Variants in VPS11 observed in about 807,000 individuals in gnomAD.
The protein encoded by VPS11 is VPS11 core subunit of CORVET and HOPS complexes, also known as vacuolar protein sorting-associated protein 11 homolog.
A neutral mutation model predicts 106.8 loss-of-function variants in VPS11; 51 were observed. The ratio of observed to expected loss-of-function variants is 0.48; its 90% CI spans 0.38 to 0.60. VPS11 has a LOEUF of 0.60. Ranked by LOEUF, VPS11 falls within the 20% of genes least tolerant of loss-of-function variation. The pLI, the probability that VPS11 is intolerant of heterozygous loss-of-function variation, is 0.00. For missense variants in VPS11, 950 were observed against 1,190.0 expected (o/e 0.80, Z 2.97); for synonymous variants, 453 against 458.7 (o/e 0.99, Z 0.16).
At position 119,071,448 on chromosome 11, in the gene VPS11, T is replaced by C. The variant is rs148849984; in HGVS notation, c.637-148T>C. The C allele has an allele frequency of 8.1e-5, 73 of 904,132 alleles. No individual in the cohort carries two copies. In the East Asian group the frequency reaches 1.5e-3, roughly 19 times the overall value. The allele number at this position is 904,132 out of a possible 1,614,324, so 56.0% of individuals were successfully genotyped here. A position where few individuals can be genotyped will look rare whatever the true frequency, so the allele number is the denominator to read the frequency against. On this transcript the variant is annotated intron_variant, in intron 4 of 15. Transcript: ENST00000621676. Reference sequence around the variant, plus strand: ...GGTTATATATTTAATAGATGGGTAATGGTTAATGAAGAAGGCCAGCAGCCA... The same window carrying C: ...GGTTATATATTTAATAGATGGGTAACGGTTAATGAAGAAGGCCAGCAGCCA...
At chr11:119,074,555 T>C (rs1945527231) in intron 7 of VPS11, among the ~76,000 whole-genome samples, 1 of 151,994 alleles carries the variant, frequency 6.6e-6, no homozygotes, top group Non-Finnish European at 1.5e-5. Context: ...AGGATCATGC[T>C]GCCATGCCTG....
rs782250012 is a variant in VPS11 at position 119,077,011 on chromosome 11, C to T, written c.1353C>T (p.Ala451=). The T allele has an allele frequency of 9.3e-6, 15 of 1,613,776 alleles. No individual in the cohort carries two copies. Among genetic ancestry groups the T allele is most frequent in the East Asian group, 4.5e-5 (2 of 44,900 alleles). The change falls in exon 8 of 16, where the codon GCC becomes GCT. Residue 451 remains alanine (A), a synonymous_variant. Transcript: ENST00000621676. ...QTLHRQSLAN[A]DHTTLLLNCY... ...TGCACCGACAATCCCTGGCCAATGC[C>T]GACCATACCACCCTGCTCCTCAACT... is the stretch of plus-strand genomic sequence containing the variant.
At chr11:119,073,776 T>G in intron 6 of VPS11, 24 bp from the exon 7 acceptor site, 1 of 1,594,344 alleles carries the variant, frequency 6.3e-7, no homozygotes, top group South Asian at 1.1e-5. Context: ...TTCTACCAAT[T>G]TTCTAATCTC....
rs781821621 is a variant in VPS11 at position 119,078,303 on chromosome 11, T to C, written c.1892T>C (p.Leu631Pro). ...GIYDTLLELR[L>P]QNWAHEKDPQ... The stretch of plus-strand genomic sequence containing the variant: ...TACGACACACTCCTTGAGCTGCGAC[T>C]GCAGAACTGGGCCCACGAGAAGGAT... The change falls in exon 11 of 16, where the codon CTG (leucine) becomes CCG (proline). Residue 631 changes from leucine (L) to proline (P), a missense_variant. Physicochemically the swap from Leu to Pro is moderately conservative, Grantham distance 98. Transcript: ENST00000621676. 6.2e-7 allele frequency: 1 copy of C among 1,612,600 alleles called. No homozygotes were observed. The highest frequency in any genetic ancestry group is 2.2e-5 in the East Asian group (1 of 44,874).
chr11:119,071,885 G>A, intron 5 of VPS11, 42 bp downstream of exon 5: 1 of 1,588,534 alleles, frequency 6.3e-7, no homozygotes, highest in Non-Finnish European at 8.6e-7. Flanking sequence ...GGCTGGACTT[G>A]TTCCCCAGAA....
chr11:119,078,536 C>A (rs782508263), intron 11 of VPS11, 29 bp from the exon 12 acceptor site: 2 of 1,599,808 alleles, frequency 1.3e-6, no homozygotes, highest in South Asian at 1.1e-5. Flanking sequence ...CCCCTTTTGT[C>A]CAGCAGCTCT....
Position 119,068,999 on chromosome 11 carries a change from C to A in VPS11, c.188-197C>A, listed in dbSNP as rs553720785. Among the ~76,000 whole-genome samples the A allele has an allele frequency of 1.5e-3, 46 of 31,666 alleles. 3 individuals carry two copies. The East Asian group carries it at 0.041, about 28-fold the overall frequency. The allele number at this position is 31,666 out of a possible 152,430, so 20.8% of individuals were successfully genotyped here. A position where few individuals can be genotyped will look rare whatever the true frequency, so the allele number is the denominator to read the frequency against. ...CCCCTGACCTCAGGTGATCCGCACC[C>A]CCCCCCCCCCCCGGCCTCCCAAAGT... On this transcript the variant is annotated intron_variant, in intron 1 of 15. Transcript: ENST00000621676.
Position 119,077,044 on chromosome 11 carries a change from CAAGCTCAAGGACAGCTCG to C in VPS11, c.1392_1409del (p.Lys465_Leu470del). 6.2e-7 allele frequency: 1 copy of C among 1,613,684 alleles called. No homozygotes were observed. Among genetic ancestry groups the C allele is most frequent in the South Asian group, 1.1e-5 (1 of 90,992 alleles). On this transcript the variant is annotated inframe_deletion, in exon 8 of 16. Coordinates refer to ENST00000621676, the MANE Select transcript of VPS11 (RefSeq NM_021729.6). ...CCACCCTGCTCCTCAACTGCTATAC[CAAGCTCAAGGACAGCTCG>C]AAGCTGGAGGAGTTCATCAAGGTGC...
At position 119,081,158 on chromosome 11, in the gene VPS11, C is replaced by G; in HGVS notation, c.2505C>G (p.His835Gln). The change falls in exon 15 of 16, where the codon CAC (histidine) becomes CAG (glutamine). Residue 835 changes from histidine (H) to glutamine (Q), a missense_variant. Transcript: ENST00000621676. ...CNSALELPSVHFLCGHSFHQH... is the reference protein window; with the variant it reads ...CNSALELPSVQFLCGHSFHQH... The stretch of plus-strand genomic sequence containing the variant: ...GTGCCTTGGAGTTGCCCTCAGTCCA[C>G]TTCCTGTGTGGCCACTCCTTCCACC... The G allele has an allele frequency of 6.2e-7, 1 of 1,614,064 alleles. No homozygotes were observed. The highest frequency in any genetic ancestry group is 8.5e-7 in the Non-Finnish European group (1 of 1,179,900).
At position 119,081,691 on chromosome 11, in the gene VPS11, G is replaced by A; in HGVS notation, c.*68G>A. 1.3e-6 allele frequency: 2 copies of A among 1,562,184 alleles called. No individual in the cohort carries two copies. Among genetic ancestry groups the A allele is most frequent in the Admixed American group, 3.8e-5 (2 of 52,118 alleles). ...AACAGACACAATGGGACCTGGGCGG[G>A]CGTTACACAGAAGGCTGGCTGACAT... On this transcript the variant is annotated 3_prime_UTR_variant, in exon 16 of 16. Transcript: ENST00000621676.
In VPS11 at chr11:119,067,873, T is replaced by G. The variant is rs2133639324; in HGVS notation, c.50T>G (p.Leu17Arg). The change falls in exon 1 of 16, where the codon CTG becomes CGG. Residue 17 changes from leucine to arginine, a missense_variant. Leu to Arg is a moderately radical substitution (Grantham distance 102). Transcript: ENST00000621676. ...WRRFVFFDKELVKEPLSNDGA... is the reference protein window; with the variant it reads ...WRRFVFFDKERVKEPLSNDGA... Reference sequence around the variant, plus strand: ...CGCTTCGTTTTCTTCGACAAGGAGCTGGTGAAGGAGCCGCTGAGCAATGAT... The same window carrying G: ...CGCTTCGTTTTCTTCGACAAGGAGCGGGTGAAGGAGCCGCTGAGCAATGAT... The G allele has an allele frequency of 1.3e-6, 2 of 1,575,800 alleles. No individual in the cohort carries two copies. The highest frequency in any genetic ancestry group is 1.2e-5 in the South Asian group (1 of 86,494).
At position 119,073,831 on chromosome 11, in the gene VPS11, C is replaced by T. The variant is rs782453008; in HGVS notation, c.1118C>T (p.Ala373Val). The change falls in exon 7 of 16, where the codon GCG becomes GTG. Residue 373 changes from alanine (A) to valine (V), a missense_variant. Transcript: ENST00000621676. ...TTTAAGAAGAACCTATTTGAGATGG[C>T]GATTAACCTTGCCAAGAGCCAGCAT... The part of the protein sequence containing the change: ...MLFKKNLFEM[A>V]INLAKSQHLD... 23 of 1,612,754 alleles carry T rather than the reference C, an allele frequency of 1.4e-5. No homozygotes were observed. Among genetic ancestry groups the T allele is most frequent in the Admixed American group, 1.7e-5 (1 of 59,972 alleles).
chr11:119,069,513 A>G lies in VPS11; in HGVS notation c.408A>G (p.Pro136=). ...GCACTCGAATCTTCCCTGCTATTCC[A>G]GGAACAGAGCCAACTGTTGTATCTT... The part of the protein sequence containing the change: ...PLCTRIFPAI[P]GTEPTVVSCL... The change falls in exon 3 of 16, where the codon CCA becomes CCG. Residue 136 remains proline (P), a synonymous_variant. Coordinates refer to ENST00000621676, the MANE Select transcript of VPS11 (RefSeq NM_021729.6). 6.2e-7 allele frequency: 1 copy of G among 1,614,068 alleles called. No homozygotes were observed. The highest frequency in any genetic ancestry group is 8.5e-7 in the Non-Finnish European group (1 of 1,179,908).
intron 7 of VPS11, among the ~76,000 whole-genome samples, chr11:119,076,054 C>T (rs973276538): frequency 6.6e-5 from 10 of 150,674 alleles, no homozygotes; most frequent in African/African-American, 2.2e-4. Context: ...GGTGAAACCC[C>T]GTTTCTACTA....
chr11:119,070,200 G>A (rs782707038), intron 3 of VPS11, 34 bp from the exon 4 acceptor site: 2 of 1,580,390 alleles, frequency 1.3e-6, no homozygotes, highest in South Asian at 2.3e-5. Context: ...GATCTTTTCA[G>A]CCTTACTGAA....
intron 14 of VPS11, among the ~76,000 whole-genome samples, chr11:119,079,832 C>T (rs1945784007): frequency 6.6e-6 from 1 of 152,164 alleles, no homozygotes; most frequent in African/African-American, 2.4e-5. Flanking sequence ...GCCTTGACCT[C>T]CCAAAGTGCT....
In VPS11 at chr11:119,075,433, C is replaced by T. The variant is rs929526948; in HGVS notation, c.1239-1464C>T. Among the ~76,000 whole-genome samples, 13 of 149,278 alleles carry T rather than the reference C, an allele frequency of 8.7e-5. 1 individual carries two copies. In the South Asian group the frequency reaches 2.6e-3, roughly 30 times the overall value. ...AAAATTTAAAAATATGGCTGGGCGC[C>T]GTGGCTCATTCCTGTAATCCCAGCA... On this transcript the variant is annotated intron_variant, in intron 7 of 15. Coordinates refer to ENST00000621676, the MANE Select transcript of VPS11 (RefSeq NM_021729.6).
Position 119,070,219 on chromosome 11 carries a change from C to T in VPS11, c.473-15C>T, listed in dbSNP as rs370582110. ...TTTTCAGCCTTACTGAAGTAATTTT[C>T]TTGTTTTCTTACAGGTTTCACAGAT... On this transcript the variant is annotated splice_polypyrimidine_tract_variant and intron_variant, in intron 3 of 15. Coordinates refer to ENST00000621676, the MANE Select transcript of VPS11 (RefSeq NM_021729.6). 1.7e-3 allele frequency: 2,655 copies of T among 1,599,012 alleles called. 4 individuals carry two copies. Among genetic ancestry groups the T allele is most frequent in the Non-Finnish European group, 1.6e-3 (1,889 of 1,170,946 alleles).
At chr11:119,080,002 C>G (rs1945789913) in intron 14 of VPS11, among the ~76,000 whole-genome samples, 1 of 152,160 alleles carries the variant, frequency 6.6e-6, no homozygotes, top group Non-Finnish European at 1.5e-5. Flanking sequence ...AGGCAAAAAG[C>G]CTTCATGGAG....
Sources: gnomAD v4.1 joint callset for allele counts (sites outside exome capture counted in the v4.1 genomes callset) on GRCh38, gnomAD v4.1.1 for gene constraint, MANE v1.5 for transcripts, NCBI Gene and HGNC (gene_info 2026-07-23, HGNC 2026-07-21) for gene names.